Variants in RBFOX1 observed in about 807,000 individuals in gnomAD.
RBFOX1 encodes RNA binding protein fox-1 homolog 1.
Under a neutral mutation model 57.7 loss-of-function variants are expected in RBFOX1, and 8 were observed. That is an observed-to-expected ratio of 0.14 (90% CI 0.08 to 0.25). The LOEUF is 0.25. Among genes scored for constraint, RBFOX1 ranks in the 10% least tolerant of loss-of-function variants. The probability of loss-of-function intolerance (pLI) is 1.00; values close to 1 mark genes in which losing one functional copy is unlikely to be tolerated. For synonymous variants in RBFOX1, 326 were observed against 222.4 expected, an observed-to-expected ratio of 1.47 and a Z score of -4.15; for missense variants, 611 against 548.5, an observed-to-expected ratio of 1.11 and a Z score of -1.14.
chr16:6,444,632 C>A (rs745586709), intron 2 of RBFOX1, among the ~76,000 whole-genome samples: 5 of 152,052 alleles, frequency 3.3e-5, no homozygotes, highest in African/African-American at 4.8e-5. Flanking sequence ...GTCCATTAAA[C>A]CTTTTTTTTT....
At chr16:5,799,701 G>A (rs1410767124) in intron 3 of RBFOX1, among the ~76,000 whole-genome samples, 1 of 152,114 alleles carries the variant, frequency 6.6e-6, no homozygotes. Context: ...TTCGGTTGGT[G>A]AGGCATATTG....
chr16:7,540,758 G>A (rs1026930728), intron 5 of RBFOX1, among the ~76,000 whole-genome samples: 6 of 152,196 alleles, frequency 3.9e-5, no homozygotes, highest in Admixed American at 1.3e-4. Context: ...TCACCGAAGG[G>A]AGTTCATGTT....
At chr16:6,176,454 C>T (rs1484819306) in intron 1 of RBFOX1, among the ~76,000 whole-genome samples, 1 of 151,818 alleles carries the variant, frequency 6.6e-6, no homozygotes, top group Non-Finnish European at 1.5e-5. Flanking sequence ...CTACTGTGCC[C>T]AGCCTCAGGA....
intron 4 of RBFOX1, among the ~76,000 whole-genome samples, chr16:5,975,730 G>A (rs1050505677): frequency 3.1e-4 from 47 of 152,164 alleles, no homozygotes; most frequent in African/African-American, 1.0e-3. Flanking sequence ...GCTTGGGGTT[G>A]CAATCTAGGT....
intron 4 of RBFOX1, among the ~76,000 whole-genome samples, chr16:6,001,076 G>A (rs2060591579): frequency 1.3e-5 from 2 of 152,234 alleles, no homozygotes; most frequent in South Asian, 4.2e-4. Flanking sequence ...CAGATGGGTA[G>A]ATATTTAAAT....
intron 3 of RBFOX1, among the ~76,000 whole-genome samples, chr16:6,701,706 G>A (rs917798083): frequency 1.3e-5 from 2 of 152,120 alleles, no homozygotes; most frequent in Non-Finnish European, 2.9e-5. Flanking sequence ...CAACCTGAAT[G>A]CCCATCAGCA....
At chr16:7,481,692 A>G (rs776092741) in intron 4 of RBFOX1, among the ~76,000 whole-genome samples, 2 of 152,218 alleles carry the variant, frequency 1.3e-5, no homozygotes, top group Non-Finnish European at 2.9e-5. Context: ...TATGACATGA[A>G]CTACAGATAC....
chr16:6,950,965 G>A (rs919901272), intron 3 of RBFOX1, among the ~76,000 whole-genome samples: 1 of 151,634 alleles, frequency 6.6e-6, no homozygotes, highest in African/African-American at 2.4e-5. Flanking sequence ...GAGTGCAGTG[G>A]CATGATCACA....
intron 2 of RBFOX1, among the ~76,000 whole-genome samples, chr16:6,446,550 G>C (rs971453527): frequency 6.6e-6 from 1 of 152,130 alleles, no homozygotes; most frequent in Non-Finnish European, 1.5e-5. Context: ...GTATTCAAGT[G>C]ATGAATGTGG....
At chr16:6,321,401 C>T (rs1001659359) in intron 2 of RBFOX1, among the ~76,000 whole-genome samples, 10 of 152,172 alleles carry the variant, frequency 6.6e-5, no homozygotes, top group Non-Finnish European at 1.3e-4. Flanking sequence ...TCAATTAGGA[C>T]TCTGACTGAT....
Position 7,387,809 on chromosome 16 carries a change from G to T in RBFOX1, c.28-130338G>T, listed in dbSNP as rs575774062. 2.6e-5 allele frequency among the ~76,000 whole-genome samples: 4 copies of T among 152,272 alleles called. No homozygotes were observed. In the South Asian group the frequency reaches 8.3e-4, roughly 32 times the overall value. ...GAATGCTGGAGAAAGCTCCGTACGT[G>T]TAGGGCTTCGCCATCAGTTTAAAAC... On this transcript the variant is annotated intron_variant, in intron 4 of 15. Transcript: ENST00000550418.
At chr16:7,563,572 A>G (rs563802592) in intron 5 of RBFOX1, among the ~76,000 whole-genome samples, 2 of 152,206 alleles carry the variant, frequency 1.3e-5, no homozygotes, top group East Asian at 1.9e-4. Context: ...GGTTCAGGCA[A>G]TTCTCCTGCC....
chr16:7,102,854 A>T (rs910050657), intron 4 of RBFOX1, among the ~76,000 whole-genome samples: 2 of 152,102 alleles, frequency 1.3e-5, no homozygotes, highest in Non-Finnish European at 2.9e-5. Flanking sequence ...TTTCAAAAGA[A>T]TTTTTCAAAT....
At chr16:5,705,865 G>A (rs897539744) in intron 3 of RBFOX1, among the ~76,000 whole-genome samples, 9 of 152,190 alleles carry the variant, frequency 5.9e-5, no homozygotes, top group Non-Finnish European at 1.2e-4. Flanking sequence ...CAAAATAGGT[G>A]CCTGATAGAT....
At chr16:7,289,368 C>T (rs541248872) in intron 4 of RBFOX1, among the ~76,000 whole-genome samples, 4 of 151,954 alleles carry the variant, frequency 2.6e-5, no homozygotes, top group South Asian at 2.1e-4. Flanking sequence ...TTACAATCAA[C>T]AGTAGCCAGA....
chr16:5,621,014 G>A (rs959714581), intron 3 of RBFOX1, among the ~76,000 whole-genome samples: 1 of 152,058 alleles, frequency 6.6e-6, no homozygotes, highest in African/African-American at 2.4e-5. Context: ...CTAATTTTTT[G>A]TATTATCAGT....
chr16:5,986,380 G>T (rs2060286488), intron 4 of RBFOX1, among the ~76,000 whole-genome samples: 1 of 152,128 alleles, frequency 6.6e-6, no homozygotes, highest in Non-Finnish European at 1.5e-5. Flanking sequence ...AATTTTTATT[G>T]AGTCAATTGT....
At position 6,541,506 on chromosome 16, in the gene RBFOX1, T is replaced by G. The variant is rs534285115; in HGVS notation, c.-63-113097T>G. The stretch of plus-strand genomic sequence containing the variant: ...CGAGAAAGATGACAACAGTGTCACA[T>G]CAGGGTGACGTAGTAGTACCTGAGA... On this transcript the variant is annotated intron_variant, in intron 2 of 15. Transcript: ENST00000550418. 7.2e-5 allele frequency among the ~76,000 whole-genome samples: 11 copies of G among 152,336 alleles called. No individual in the cohort carries two copies. The East Asian group carries it at 2.1e-3, about 29-fold the overall frequency.
chr16:7,224,092 G>C (rs1284478104), intron 4 of RBFOX1, among the ~76,000 whole-genome samples: 1 of 125,016 alleles, frequency 8.0e-6, no homozygotes, highest in Non-Finnish European at 1.6e-5. Flanking sequence ...GGGTCTTTCA[G>C]GATCTAGATT....
Sources: allele counts gnomAD v4.1 joint callset (sites outside exome capture counted in the v4.1 genomes callset), GRCh38; gene constraint gnomAD v4.1.1; transcripts MANE v1.5; gene names NCBI Gene and HGNC (gene_info 2026-07-23, HGNC 2026-07-21).